GRIN2A: variants seen among roughly 807,000 people sequenced by gnomAD.
The protein encoded by GRIN2A is glutamate ionotropic receptor NMDA type subunit 2A.
Under a neutral mutation model 113.4 loss-of-function variants are expected in GRIN2A, and 22 were observed. The observed-to-expected ratio is 0.19, with a 90% CI of 0.14 to 0.28. The LOEUF (loss-of-function observed/expected upper bound fraction) is 0.28, where lower values mean the gene tolerates loss of function less well. GRIN2A is among the 10% of genes least tolerant of loss of function. The pLI, the probability that GRIN2A is intolerant of heterozygous loss-of-function variation, is 1.00. For missense variants in GRIN2A, 1,502 were observed against 1,887.0 expected (o/e 0.80, Z 3.78); for synonymous variants, 827 against 738.4 (o/e 1.12, Z -1.94).
intron 2 of GRIN2A, among the ~76,000 whole-genome samples, chr16:9,958,781 A>G (rs1046908993): frequency 5.3e-5 from 8 of 152,192 alleles, no homozygotes; most frequent in Non-Finnish European, 1.2e-4. Flanking sequence ...TCTCCAAGCC[A>G]CATATAGTAT....
intron 2 of GRIN2A, among the ~76,000 whole-genome samples, chr16:9,962,192 A>G (rs1262811516): frequency 6.6e-6 from 1 of 152,232 alleles, no homozygotes; most frequent in African/African-American, 2.4e-5. Flanking sequence ...CATTCAGGAC[A>G]TAGGCATGGT....
chr16:9,841,130 A>C (rs1392776096), intron 5 of GRIN2A, 26 bp from the exon 6 acceptor site: 1 of 1,588,912 alleles, frequency 6.3e-7, no homozygotes, highest in Non-Finnish European at 8.6e-7. Flanking sequence ...CCAAGACCAC[A>C]GAATGTTAGC....
At chr16:9,885,695 G>T (rs2141467677) in intron 4 of GRIN2A, among the ~76,000 whole-genome samples, 1 of 151,962 alleles carries the variant, frequency 6.6e-6, no homozygotes, top group South Asian at 2.1e-4. Context: ...TTTCCCCTCT[G>T]CTGACCTGCT....
At chr16:9,988,792 C>T (rs2046038066) in intron 2 of GRIN2A, among the ~76,000 whole-genome samples, 1 of 152,090 alleles carries the variant, frequency 6.6e-6, no homozygotes. Context: ...ACTATCGGCC[C>T]AGGTTCTTTC....
rs566808376 is a variant in GRIN2A at position 9,762,386 on chromosome 16, A to G, written c.*763T>C. ...GTGTTAGTTTATGCAGCTCTGAACA[A>G]GACCATCGAAGCCGAGGGTGAGAGA... On this transcript the variant is annotated 3_prime_UTR_variant, in exon 13 of 13. Transcript: ENST00000330684. 8.8e-6 allele frequency: 2 copies of G among 226,706 alleles called. No individual in the cohort carries two copies. The highest frequency in any genetic ancestry group is 3.7e-4 in the South Asian group (2 of 5,470). 14.0% of individuals were successfully genotyped at this position (226,706 alleles called of 1,614,324 possible).
chr16:10,129,270 G>A (rs2049012146), intron 2 of GRIN2A, among the ~76,000 whole-genome samples: 2 of 152,064 alleles, frequency 1.3e-5, no homozygotes, highest in African/African-American at 2.4e-5. Flanking sequence ...TAGAGACAAA[G>A]TCTCTCTGTG....
At chr16:10,079,587 A>G (rs939817331) in intron 2 of GRIN2A, among the ~76,000 whole-genome samples, 4 of 152,224 alleles carry the variant, frequency 2.6e-5, no homozygotes, top group African/African-American at 9.6e-5. Context: ...GGCTCCAGAG[A>G]GATCAACGGC....
chr16:9,981,962 T>G (rs964211392), intron 2 of GRIN2A, among the ~76,000 whole-genome samples: 2 of 152,056 alleles, frequency 1.3e-5, no homozygotes, highest in Non-Finnish European at 2.9e-5. Flanking sequence ...AATTTTTGTA[T>G]TTTTAGTAGA....
intron 2 of GRIN2A, among the ~76,000 whole-genome samples, chr16:9,942,869 C>A (rs2044917631): frequency 6.6e-6 from 1 of 152,176 alleles, no homozygotes; most frequent in African/African-American, 2.4e-5. Context: ...CCAAAAACCA[C>A]CATGGACCAA....
chr16:10,041,195 C>T (rs9925118), intron 2 of GRIN2A, among the ~76,000 whole-genome samples: 61,019 of 152,100 alleles, frequency 0.4, 12,432 homozygotes, highest in Middle Eastern at 0.45. Flanking sequence ...TTCCCATTTT[C>T]GTAAGCTCAT....
intron 2 of GRIN2A, among the ~76,000 whole-genome samples, chr16:10,097,437 C>T (rs1408406290): frequency 6.6e-6 from 1 of 152,160 alleles, no homozygotes; most frequent in Non-Finnish European, 1.5e-5. Context: ...GAGACTGCAT[C>T]CTACCATGAT....
intron 2 of GRIN2A, among the ~76,000 whole-genome samples, chr16:10,136,750 G>A (rs979198827): frequency 3.3e-5 from 5 of 152,072 alleles, no homozygotes; most frequent in African/African-American, 9.7e-5. Flanking sequence ...ACCATTTATG[G>A]GGGAACTGAC....
At chr16:10,138,226 G>C (rs907535281) in intron 2 of GRIN2A, among the ~76,000 whole-genome samples, 1 of 152,216 alleles carries the variant, frequency 6.6e-6, no homozygotes, top group Non-Finnish European at 1.5e-5. Context: ...TCAGAAGTCA[G>C]AGAGGGCTGA....
At chr16:9,812,064 TG>T (rs1202898995) in intron 10 of GRIN2A, among the ~76,000 whole-genome samples, 7 of 152,210 alleles carry the variant, frequency 4.6e-5, no homozygotes, top group African/African-American at 1.7e-4. Flanking sequence ...TGCATAATGG[TG>T]GGCCATTAGA....
chr16:9,849,981 A>T lies in GRIN2A; in HGVS notation c.1123-20T>A. The T allele has an allele frequency of 6.2e-7, 1 of 1,600,612 alleles. No individual in the cohort carries two copies. The highest frequency in any genetic ancestry group is 8.6e-7 in the Non-Finnish European group (1 of 1,168,118). On this transcript the variant is annotated intron_variant, in intron 4 of 12. Coordinates refer to ENST00000330684, the MANE Select transcript of GRIN2A (RefSeq NM_001134407.3). ...GCCCACCTGCAGCACAAACACAAAG[A>T]CACAGCTGTGCTTTCTTCCGCCGCT...
intron 3 of GRIN2A, among the ~76,000 whole-genome samples, chr16:9,919,294 A>G (rs901936419): frequency 6.6e-6 from 1 of 152,216 alleles, no homozygotes; most frequent in African/African-American, 2.4e-5. Context: ...TCATGTATAA[A>G]TTGCCTTTAT....
At chr16:9,977,885 T>TA (rs970229927) in intron 2 of GRIN2A, among the ~76,000 whole-genome samples, 1 of 151,972 alleles carries the variant, frequency 6.6e-6, no homozygotes, top group African/African-American at 2.4e-5. Context: ...AAAATAAAAA[T>TA]AAAAAAATAA....
intron 2 of GRIN2A, among the ~76,000 whole-genome samples, chr16:9,939,520 T>C (rs1191201122): frequency 6.6e-6 from 1 of 152,148 alleles, no homozygotes; most frequent in Non-Finnish European, 1.5e-5. Context: ...CCATCTACGA[T>C]TGTGAGAACA....
chr16:9,830,480 CA>C (rs71400501), intron 8 of GRIN2A, among the ~76,000 whole-genome samples: 3,276 of 73,072 alleles, frequency 0.045, 55 homozygotes, highest in African/African-American at 0.11. Context: ...TCTGCATGGG[CA>C]AAAAAAAAAA....
Sources: allele counts gnomAD v4.1 joint callset (sites outside exome capture counted in the v4.1 genomes callset), GRCh38; gene constraint gnomAD v4.1.1; transcripts MANE v1.5; gene names NCBI Gene and HGNC (gene_info 2026-07-23, HGNC 2026-07-21).